MRE11: variants seen among roughly 807,000 people sequenced by gnomAD.
MRE11 encodes the protein MRE11 double strand break repair nuclease.
A neutral mutation model predicts 91.7 loss-of-function variants in MRE11; 62 were observed. The observed-to-expected ratio is 0.68, with a 90% CI of 0.55 to 0.84. The LOEUF (loss-of-function observed/expected upper bound fraction) is 0.84. Ranked by LOEUF, MRE11 falls within the 40% of genes least tolerant of loss-of-function variation. The probability of loss-of-function intolerance (pLI) is 0.00; values close to 1 mark genes in which losing one functional copy is unlikely to be tolerated. For missense variants in MRE11, 796 were observed against 852.9 expected, an observed-to-expected ratio of 0.93 and a Z score of 0.83; for synonymous variants, 273 against 271.4, an observed-to-expected ratio of 1.01 and a Z score of -0.06.
At chr11:94,475,576 T>C (rs1014392511) in intron 7 of MRE11, 3 of 455,708 alleles carry the variant, frequency 6.6e-6, no homozygotes, top group Middle Eastern at 3.3e-4. Context: ...AGATAATAAA[T>C]CTTGCTTCTT....
chr11:94,453,686 T>TTCTA (rs1221339756), intron 14 of MRE11, among the ~76,000 whole-genome samples: 1 of 152,228 alleles, frequency 6.6e-6, no homozygotes, highest in African/African-American at 2.4e-5. Flanking sequence ...ACTGTTGAGC[T>TTCTA]TTAGAAGTTT....
chr11:94,471,291 C>T (rs953222787), intron 8 of MRE11, among the ~76,000 whole-genome samples: 3 of 151,936 alleles, frequency 2.0e-5, no homozygotes, highest in Non-Finnish European at 4.4e-5. Flanking sequence ...TAGTAATCAT[C>T]AACCTAAAAC....
chr11:94,432,856 T>C (rs943350027), intron 18 of MRE11, among the ~76,000 whole-genome samples: 7 of 152,212 alleles, frequency 4.6e-5, no homozygotes, highest in African/African-American at 1.4e-4. Context: ...AACCCTTATC[T>C]GAGTTCTGAA....
At chr11:94,437,350 C>A in intron 16 of MRE11, 115 bp from the exon 17 acceptor site, 1 of 856,952 alleles carries the variant, frequency 1.2e-6, no homozygotes, top group Non-Finnish European at 1.8e-6. Flanking sequence ...TGAATGATGC[C>A]TAATTATAAA....
chr11:94,435,879 TGATTCATCTACC>T lies in MRE11; in HGVS notation c.1935_1946del (p.Val646_Ser649del). Reference sequence around the variant, plus strand: ...TAGGAAAAATGTCTTCTTCCACATCTGATTCATCTACCTCAATCACCTGGCAAGGAAACAAAG... The same window carrying T: ...TAGGAAAAATGTCTTCTTCCACATCTTCAATCACCTGGCAAGGAAACAAAG... On this transcript the variant is annotated inframe_deletion, in exon 18 of 20. Coordinates refer to ENST00000323929, the MANE Select transcript of MRE11 (RefSeq NM_005591.4). 1 of 1,613,902 alleles carries T rather than the reference TGATTCATCTACC, an allele frequency of 6.2e-7. No homozygotes were observed. The highest frequency in any genetic ancestry group is 8.5e-7 in the Non-Finnish European group (1 of 1,179,912).
At chr11:94,468,056 T>G (rs1191181654) in intron 9 of MRE11, among the ~76,000 whole-genome samples, 163 bp from the exon 10 acceptor site, 5 of 152,238 alleles carry the variant, frequency 3.3e-5, no homozygotes, top group Non-Finnish European at 5.9e-5. Flanking sequence ...AATGCTCCTT[T>G]AATACTATTC....
At position 94,418,075 on chromosome 11, in the gene MRE11, C is replaced by A. The variant is rs1172296214; in HGVS notation, c.*2050G>T. On this transcript the variant is annotated 3_prime_UTR_variant, in exon 20 of 20. Coordinates refer to ENST00000323929, the MANE Select transcript of MRE11 (RefSeq NM_005591.4). ...AAATCATCTGAAAGACTTCTACATT[C>A]CTATACCAACAGGTCTGAAAATTGT... is the stretch of plus-strand genomic sequence containing the variant. 4.3e-6 allele frequency: 1 copy of A among 232,956 alleles called. No homozygotes were observed. The highest frequency in any genetic ancestry group is 8.5e-6 in the Non-Finnish European group (1 of 117,988). The allele number at this position is 232,956 out of a possible 1,614,324, so 14.4% of individuals were successfully genotyped here. A position where few individuals can be genotyped will look rare whatever the true frequency, so the allele number is the denominator to read the frequency against.
intron 13 of MRE11, among the ~76,000 whole-genome samples, chr11:94,458,128 C>G (rs925299453): frequency 6.6e-6 from 1 of 151,440 alleles, no homozygotes; most frequent in Non-Finnish European, 1.5e-5. Context: ...CACATTGACA[C>G]CATAAGGCTT....
chr11:94,424,206 A>G (rs1287577159), intron 19 of MRE11, among the ~76,000 whole-genome samples: 1 of 152,222 alleles, frequency 6.6e-6, no homozygotes, highest in Non-Finnish European at 1.5e-5. Flanking sequence ...CACTAATGTT[A>G]AATGCCAGCT....
intron 2 of MRE11, among the ~76,000 whole-genome samples, chr11:94,492,451 C>T (rs1947308771): frequency 6.6e-6 from 1 of 152,118 alleles, no homozygotes; most frequent in Non-Finnish European, 1.5e-5. Context: ...AAATCTTAAA[C>T]AGAACTGCAT....
intron 11 of MRE11, 115 bp downstream of exon 11, chr11:94,463,993 TGTTTA>T: frequency 2.8e-6 from 3 of 1,089,516 alleles, no homozygotes; most frequent in South Asian, 1.4e-5. Flanking sequence ...ACTGTCAATT[TGTTTA>T]AGACATTACA....
intron 10 of MRE11, 70 bp from the exon 11 acceptor site, chr11:94,464,309 C>T (rs1261870669): frequency 6.3e-7 from 1 of 1,588,418 alleles, no homozygotes. Flanking sequence ...ACACACTAAT[C>T]CTTCAGTATT....
rs915714870 is a variant in MRE11 at position 94,417,961 on chromosome 11, G to A, written c.*2164C>T. The A allele has an allele frequency of 1.3e-5, 3 of 232,932 alleles. No individual in the cohort carries two copies. Among genetic ancestry groups the A allele is most frequent in the African/African-American group, 2.2e-5 (1 of 45,326 alleles). 14.4% of individuals were successfully genotyped at this position (232,932 alleles called of 1,614,324 possible). Reference sequence around the variant, plus strand: ...CAGAAAGACACTTATTCTTTGGTAAGTAACAGAAGAATTCCCTACAGATGT... The same window carrying A: ...CAGAAAGACACTTATTCTTTGGTAAATAACAGAAGAATTCCCTACAGATGT... On this transcript the variant is annotated 3_prime_UTR_variant, in exon 20 of 20. Coordinates refer to ENST00000323929, the MANE Select transcript of MRE11 (RefSeq NM_005591.4).
Position 94,459,474 on chromosome 11 carries a change from C to T in MRE11, c.1434G>A (p.Leu478=), listed in dbSNP as rs1591672412. The part of the protein sequence containing the change: ...DAIEELVKYQ[L]EKTQRFLKER... The stretch of plus-strand genomic sequence containing the variant: ...CTTTAAGAAATCGCTGTGTTTTTTC[C>T]AACTGGTATTTCACTAATTCCTCAA... The change falls in exon 13 of 20, where the codon TTG becomes TTA. Residue 478 remains leucine (L), a synonymous_variant. Coordinates refer to ENST00000323929, the MANE Select transcript of MRE11 (RefSeq NM_005591.4). 1.2e-6 allele frequency: 2 copies of T among 1,613,992 alleles called. No homozygotes were observed. The highest frequency in any genetic ancestry group is 1.7e-6 in the Non-Finnish European group (2 of 1,179,930).
chr11:94,471,658 G>A lies in MRE11; in HGVS notation c.761C>T (p.Thr254Ile), dbSNP rs864622495. The A allele has an allele frequency of 6.2e-7, 1 of 1,612,790 alleles. No homozygotes were observed. The highest frequency in any genetic ancestry group is 8.5e-7 in the Non-Finnish European group (1 of 1,179,174). The change falls in exon 8 of 20, where the codon ACC (threonine) becomes ATC (isoleucine). Residue 254 changes from threonine (T) to isoleucine (I), a missense_variant. Thr to Ile is a moderately conservative substitution (Grantham distance 89, BLOSUM62 -1). Transcript: ENST00000323929. ...GHEHECKIAPTKNEQQLFYIS... is the reference protein window; with the variant it reads ...GHEHECKIAPIKNEQQLFYIS... The stretch of plus-strand genomic sequence containing the variant: ...ATAAAACAGCTGTTGTTCATTTTTG[G>A]TTGGAGCTATTTTACACTCATGTTC...
intron 6 of MRE11, among the ~76,000 whole-genome samples, chr11:94,478,210 T>A (rs2135081723): frequency 6.6e-6 from 1 of 152,284 alleles, no homozygotes; most frequent in East Asian, 1.9e-4. Flanking sequence ...AAAGGCAATT[T>A]TCTGGAGATA....
chr11:94,420,560 G>A (rs866928935), intron 19 of MRE11, among the ~76,000 whole-genome samples: 13 of 151,978 alleles, frequency 8.6e-5, no homozygotes, highest in Non-Finnish European at 1.5e-4. Flanking sequence ...AATTCACAGC[G>A]AAAAAATAAT....
chr11:94,490,792 G>A, intron 3 of MRE11, 41 bp downstream of exon 3: 1 of 1,608,576 alleles, frequency 6.2e-7, no homozygotes. Context: ...TGTTAACCAA[G>A]GGAATATGGT....
At chr11:94,428,650 T>A (rs1470303645) in intron 19 of MRE11, among the ~76,000 whole-genome samples, 1 of 151,936 alleles carries the variant, frequency 6.6e-6, no homozygotes, top group East Asian at 1.9e-4. Flanking sequence ...GATCATAAGG[T>A]CAGGAGTTTG....
Sources: allele counts gnomAD v4.1 joint callset (sites outside exome capture counted in the v4.1 genomes callset), GRCh38; gene constraint gnomAD v4.1.1; transcripts MANE v1.5; gene names NCBI Gene and HGNC (gene_info 2026-07-23, HGNC 2026-07-21).